TIAM1: variants seen among roughly 807,000 people sequenced by gnomAD.
The protein encoded by TIAM1 is rho guanine nucleotide exchange factor TIAM1.
Under a neutral mutation model 163.5 loss-of-function variants are expected in TIAM1, and 65 were observed. That is an observed-to-expected ratio of 0.40 (90% CI 0.33 to 0.49). TIAM1 has a LOEUF of 0.49. Among genes scored for constraint, TIAM1 ranks in the 20% least tolerant of loss-of-function variants. The pLI is 0.77. For synonymous variants in TIAM1, 833 were observed against 810.1 expected (o/e 1.03, Z -0.48); for missense variants, 1,789 against 2,044.7 (o/e 0.87, Z 2.41).
intron 2 of TIAM1, among the ~76,000 whole-genome samples, chr21:31,359,815 AGG>A (rs2076375971): frequency 1.4e-5 from 1 of 71,522 alleles, no homozygotes; most frequent in Non-Finnish European, 2.8e-5. Flanking sequence ...AAAGGAAGGA[AGG>A]AAGGAAGGAA....
At chr21:31,296,094 C>T (rs531719638) in intron 2 of TIAM1, among the ~76,000 whole-genome samples, 2 of 152,112 alleles carry the variant, frequency 1.3e-5, no homozygotes, top group South Asian at 2.1e-4. Context: ...CCACCGCACC[C>T]GGCCAACTCC....
chr21:31,143,131 C>A (rs1180764464), intron 20 of TIAM1, among the ~76,000 whole-genome samples: 5 of 152,116 alleles, frequency 3.3e-5, no homozygotes, highest in African/African-American at 4.8e-5. Flanking sequence ...ACTCCACACA[C>A]CCCTCCCCCA....
intron 1 of TIAM1, among the ~76,000 whole-genome samples, chr21:31,482,551 C>G (rs1214365224): frequency 2.0e-5 from 3 of 152,152 alleles, no homozygotes; most frequent in African/African-American, 7.2e-5. Context: ...CAAGAAAGGG[C>G]TTATTTTCTG....
At chr21:31,419,781 T>G (rs2043499540) in intron 2 of TIAM1, among the ~76,000 whole-genome samples, 1 of 152,230 alleles carries the variant, frequency 6.6e-6, no homozygotes, top group African/African-American at 2.4e-5. Context: ...CTGAGCGTGG[T>G]GGCTTACACC....
At chr21:31,222,693 ATATATATATATATATTTTT>A (rs1453642566) in intron 8 of TIAM1, among the ~76,000 whole-genome samples, 6 of 39,910 alleles carry the variant, frequency 1.5e-4, no homozygotes, top group Non-Finnish European at 3.2e-4. Context: ...ATATATATAT[ATATATATATATATATTTTT>A]TTTTTTTTTT....
intron 2 of TIAM1, among the ~76,000 whole-genome samples, chr21:31,290,576 G>A (rs188825819): frequency 6.8e-6 from 1 of 146,558 alleles, no homozygotes; most frequent in East Asian, 2.0e-4. Flanking sequence ...GAACCCAGAA[G>A]GCAGAGGTTG....
intron 2 of TIAM1, among the ~76,000 whole-genome samples, chr21:31,363,557 C>T (rs755416955): frequency 1.4e-4 from 22 of 152,120 alleles, no homozygotes; most frequent in Non-Finnish European, 2.5e-4. Flanking sequence ...CCTAAGCTTC[C>T]TCTAATGATG....
rs576286808 is a variant in TIAM1, at chr21:31,152,235, G to A, written c.3366+401C>T. ...TTTTGTAGAGATGGGATTTTGCCAC[G>A]TTGGCCAGGCTGGTCTCAAACTCCT... On this transcript the variant is annotated intron_variant, in intron 19 of 27. Coordinates refer to ENST00000541036, the MANE Select transcript of TIAM1 (RefSeq NM_001353694.2). Among the ~76,000 whole-genome samples the A allele has an allele frequency of 9.9e-5, 15 of 152,092 alleles. 1 individual carries two copies. Among genetic ancestry groups the A allele is most frequent in the Non-Finnish European group, 1.6e-4 (11 of 67,988 alleles).
rs146063335 is a variant in TIAM1, at chr21:31,540,248, C to T, written c.-422+18679G>A. On this transcript the variant is annotated intron_variant, in intron 1 of 28. Coordinates refer to the TIAM1 transcript ENST00000286827. The stretch of plus-strand genomic sequence containing the variant: ...TAAAAATACAAAATTAGCTGGGTGT[C>T]GTGGCATGCGCCTGTAATCCCAGCT... Among the ~76,000 whole-genome samples, 969 of 150,414 alleles carry T rather than the reference C, an allele frequency of 6.4e-3. 8 individuals carry two copies. The highest frequency in any genetic ancestry group is 0.021 in the African/African-American group (868 of 40,942).
chr21:31,450,770 G>A (rs2044804259), intron 2 of TIAM1, among the ~76,000 whole-genome samples: 1 of 152,168 alleles, frequency 6.6e-6, no homozygotes, highest in Non-Finnish European at 1.5e-5. Context: ...GAGAATGAGA[G>A]CCAAGCGGAA....
intron 1 of TIAM1, among the ~76,000 whole-genome samples, chr21:31,511,810 T>G (rs751302342): frequency 1.5e-4 from 23 of 152,176 alleles, no homozygotes; most frequent in Non-Finnish European, 2.8e-4. Context: ...ATGATTAAAA[T>G]GTCCCAAACT....
intron 16 of TIAM1, among the ~76,000 whole-genome samples, chr21:31,161,788 C>G (rs2833314): frequency 0.069 from 10,514 of 152,244 alleles, 1,212 homozygotes; most frequent in African/African-American, 0.24. Context: ...CTAAATCATG[C>G]TTCCGAGTTT....
intron 24 of TIAM1, 77 bp downstream of exon 24, chr21:31,130,813 G>T: frequency 7.2e-7 from 1 of 1,386,080 alleles, no homozygotes; most frequent in Non-Finnish European, 1.0e-6. Context: ...CTGACAAAAT[G>T]GTAGAATTAT....
Position 31,285,866 on chromosome 21 carries a change from T to C in TIAM1, c.-188-8958A>G, listed in dbSNP as rs538285810. On this transcript the variant is annotated intron_variant, in intron 2 of 27. Coordinates refer to ENST00000541036, the MANE Select transcript of TIAM1 (RefSeq NM_001353694.2). ...CAGAGTGAGATTCCGTCTCAACAAA[T>C]AAATTAATTAATTAATCAATTAATT... Among the ~76,000 whole-genome samples the C allele has an allele frequency of 5.9e-5, 9 of 152,166 alleles. No homozygotes were observed. In the South Asian group the frequency reaches 6.2e-4, roughly 11 times the overall value.
chr21:31,323,590 G>A (rs1315896569), intron 2 of TIAM1, among the ~76,000 whole-genome samples: 3 of 152,050 alleles, frequency 2.0e-5, no homozygotes, highest in Admixed American at 6.6e-5. Context: ...CAGCACTTTG[G>A]GAGGCCGAGG....
chr21:31,189,974 A>AG (rs763820116), intron 13 of TIAM1, among the ~76,000 whole-genome samples: 2 of 152,178 alleles, frequency 1.3e-5, no homozygotes, highest in Admixed American at 6.5e-5. Context: ...GATTGCCAAC[A>AG]GGGGGCAGAG....
intron 2 of TIAM1, among the ~76,000 whole-genome samples, chr21:31,365,004 A>G (rs2833389): frequency 0.22 from 34,207 of 152,264 alleles, 4,030 homozygotes; most frequent in Middle Eastern, 0.34. Context: ...TTATTCATGA[A>G]TGCTGAAATC....
chr21:31,550,332 C>G (rs2048641164), intron 1 of TIAM1, among the ~76,000 whole-genome samples: 2 of 152,024 alleles, frequency 1.3e-5, no homozygotes, highest in African/African-American at 4.8e-5. Flanking sequence ...ATACACGTCA[C>G]ACTACAGATG....
At chr21:31,261,564 T>A (rs1362562970) in intron 4 of TIAM1, among the ~76,000 whole-genome samples, 3 of 151,988 alleles carry the variant, frequency 2.0e-5, no homozygotes, top group Non-Finnish European at 4.4e-5. Context: ...ATACAAAAAA[T>A]TAGCCAGGCG....
Sources: allele counts gnomAD v4.1 joint callset (sites outside exome capture counted in the v4.1 genomes callset), GRCh38; gene constraint gnomAD v4.1.1; transcripts MANE v1.5; gene names NCBI Gene and HGNC (gene_info 2026-07-23, HGNC 2026-07-21).